The following CYB5B variants were observed in gnomAD, a reference collection of about 807,000 sequenced individuals.
CYB5B encodes cytochrome b5 type B, also known as cytochrome b5 type B (outer mitochondrial membrane).
In CYB5B, 14 loss-of-function variants were observed where a neutral mutation model predicts 21.3. That is an observed-to-expected ratio of 0.66 (90% CI 0.43 to 1.03). CYB5B has a LOEUF of 1.03. CYB5B is among the 50% of genes least tolerant of loss of function. The pLI is 0.00. For synonymous variants in CYB5B, 69 were observed against 68.4 expected (o/e 1.01, Z -0.04); for missense variants, 166 against 185.1 (o/e 0.90, Z 0.60).
chr16:69,448,071 T>C (rs1238311255), intron 2 of CYB5B, 44 bp from the exon 3 acceptor site: 1 of 1,594,244 alleles, frequency 6.3e-7, no homozygotes, highest in East Asian at 2.2e-5. Flanking sequence ...GAGAATTCAT[T>C]TGGCTATGTC....
At position 69,447,037 on chromosome 16, in the gene CYB5B, A is replaced by T. The variant is rs917375727; in HGVS notation, c.175-113A>T. On this transcript the variant is annotated intron_variant, in intron 1 of 4. Coordinates refer to ENST00000307892, the MANE Select transcript of CYB5B (RefSeq NM_030579.3). ...TCCTGTCAGGCACCACACAATGTCA[A>T]TTTGTTCCATTATTTCTATTAAAGG... The T allele has an allele frequency of 3.1e-6, 4 of 1,284,410 alleles. No individual in the cohort carries two copies. The African/African-American group carries it at 5.9e-5, about 19-fold the overall frequency. The allele number at this position is 1,284,410 out of a possible 1,614,324, so 79.6% of individuals were successfully genotyped here. A position where few individuals can be genotyped will look rare whatever the true frequency, so the allele number is the denominator to read the frequency against.
At chr16:69,429,159 TGAA>T (rs948927273) in intron 1 of CYB5B, among the ~76,000 whole-genome samples, 1 of 152,150 alleles carries the variant, frequency 6.6e-6, no homozygotes, top group Non-Finnish European at 1.5e-5. Context: ...CTCTCTGACT[TGAA>T]GAATGAAGCC....
chr16:69,443,101 A>T (rs1456759607), intron 1 of CYB5B: 2 of 151,646 alleles, frequency 1.3e-5, no homozygotes, highest in Non-Finnish European at 2.9e-5. Flanking sequence ...ATACCCAGCT[A>T]ATTTTTGTAC....
intron 1 of CYB5B, among the ~76,000 whole-genome samples, chr16:69,431,091 T>C (rs1454437689): frequency 6.6e-6 from 1 of 152,022 alleles, no homozygotes. Flanking sequence ...CTCTGCCTCC[T>C]GGGTTCAAGC....
Position 69,462,523 on chromosome 16 carries a change from A to C in CYB5B, c.*3A>C. ...CATCGGAAAGCAAATCCTCCTGAGG[A>C]GGCCTTGCTGAAGTTAGAAAGTGCA... On this transcript the variant is annotated 3_prime_UTR_variant, in exon 5 of 5. Coordinates refer to ENST00000307892, the MANE Select transcript of CYB5B (RefSeq NM_030579.3). 1.2e-6 allele frequency: 2 copies of C among 1,613,332 alleles called. No homozygotes were observed. The highest frequency in any genetic ancestry group is 1.1e-5 in the South Asian group (1 of 91,068).
At chr16:69,442,740 T>C (rs1322394093) in intron 1 of CYB5B, among the ~76,000 whole-genome samples, 1 of 152,016 alleles carries the variant, frequency 6.6e-6, no homozygotes, top group African/African-American at 2.4e-5. Flanking sequence ...CAGGTTGGTC[T>C]TGAATTCCTG....
chr16:69,451,239 A>AT (rs1303952246), intron 3 of CYB5B, among the ~76,000 whole-genome samples: 1 of 152,002 alleles, frequency 6.6e-6, no homozygotes, highest in Non-Finnish European at 1.5e-5. Flanking sequence ...TTGACTTAAC[A>AT]TTTTTCTGGT....
intron 1 of CYB5B, among the ~76,000 whole-genome samples, chr16:69,433,576 A>G (rs1258065506): frequency 6.6e-6 from 1 of 152,200 alleles, no homozygotes; most frequent in Non-Finnish European, 1.5e-5. Context: ...TATATGGATC[A>G]TTATTTAAGC....
chr16:69,453,983 G>A (rs905593535), intron 3 of CYB5B, among the ~76,000 whole-genome samples: 1 of 152,286 alleles, frequency 6.6e-6, no homozygotes, highest in Non-Finnish European at 1.5e-5. Context: ...GGGTTCTCAA[G>A]GACTAATGTC....
At chr16:69,440,920 A>C (rs1342876642) in intron 1 of CYB5B, among the ~76,000 whole-genome samples, 3 of 151,784 alleles carry the variant, frequency 2.0e-5, no homozygotes, top group African/African-American at 7.3e-5. Context: ...TGGCCTCCCA[A>C]ACTGCTGGGA....
intron 1 of CYB5B, among the ~76,000 whole-genome samples, chr16:69,436,100 G>GC (rs1484636565): frequency 1.3e-5 from 2 of 152,158 alleles, no homozygotes; most frequent in South Asian, 2.1e-4. Flanking sequence ...TATTCATTTT[G>GC]CCCGGGGGCA....
intron 1 of CYB5B, among the ~76,000 whole-genome samples, chr16:69,441,153 C>CTCTTT (rs1555509725): frequency 2.3e-5 from 3 of 133,322 alleles, no homozygotes; most frequent in African/African-American, 5.6e-5. Flanking sequence ...TTACTTCTCT[C>CTCTTT]TTTTTTTTTT....
In CYB5B at chr16:69,462,576, TG is replaced by T. The variant is rs2015046245; in HGVS notation, c.*57del. 1 of 1,448,010 alleles carries T rather than the reference TG, an allele frequency of 6.9e-7. No individual in the cohort carries two copies. Among genetic ancestry groups the T allele is most frequent in the Non-Finnish European group, 9.7e-7 (1 of 1,033,264 alleles). The allele number at this position is 1,448,010 out of a possible 1,614,324, so 89.7% of individuals were successfully genotyped here. A position where few individuals can be genotyped will look rare whatever the true frequency, so the allele number is the denominator to read the frequency against. On this transcript the variant is annotated 3_prime_UTR_variant, in exon 5 of 5. Coordinates refer to ENST00000307892, the MANE Select transcript of CYB5B (RefSeq NM_030579.3). ...CACTTTGGGGCGAAAACTAGAGACT[TG>T]CTTGGGGGCTGCAGAAGTGCCCTCT...
At chr16:69,449,764 G>A (rs892599487) in intron 3 of CYB5B, 6 of 152,198 alleles carry the variant, frequency 3.9e-5, no homozygotes, top group Non-Finnish European at 8.8e-5. Flanking sequence ...TGCAATTTAA[G>A]TAATCTAGGT....
intron 4 of CYB5B, among the ~76,000 whole-genome samples, chr16:69,461,101 G>A (rs745824755): frequency 1.3e-5 from 2 of 152,046 alleles, no homozygotes; most frequent in African/African-American, 4.8e-5. Context: ...TCACGAGGAC[G>A]GGCTGAGACA....
Position 69,455,400 on chromosome 16 carries a change from CTTTTTTTT to C in CYB5B, c.334-3681_334-3674del, listed in dbSNP as rs67183796. Among the ~76,000 whole-genome samples the C allele has an allele frequency of 2.4e-5, 3 of 122,984 alleles. No homozygotes were observed. The South Asian group carries it at 8.2e-4, about 34-fold the overall frequency. The allele number at this position is 122,984 out of a possible 152,430, so 80.7% of individuals were successfully genotyped here. A position where few individuals can be genotyped will look rare whatever the true frequency, so the allele number is the denominator to read the frequency against. ...AGTTGAGACATTTCTTTGTTGTTCT[CTTTTTTTT>C]TTTTTTTTTTTGGTGGGGGGACGAA... On this transcript the variant is annotated intron_variant, in intron 3 of 4. Coordinates refer to ENST00000307892, the MANE Select transcript of CYB5B (RefSeq NM_030579.3).
At chr16:69,425,457 T>G (rs900179055) in intron 1 of CYB5B, among the ~76,000 whole-genome samples, 2 of 152,088 alleles carry the variant, frequency 1.3e-5, no homozygotes, top group Non-Finnish European at 2.9e-5. Context: ...TTCTTAAATA[T>G]TCAAGACTGT....
intron 3 of CYB5B, among the ~76,000 whole-genome samples, chr16:69,458,218 A>T (rs1197811659): frequency 6.6e-6 from 1 of 152,170 alleles, no homozygotes; most frequent in Non-Finnish European, 1.5e-5. Context: ...TATTTACAGA[A>T]CTGTGCAGTC....
chr16:69,438,566 G>A (rs896376881), intron 1 of CYB5B, among the ~76,000 whole-genome samples: 1 of 151,368 alleles, frequency 6.6e-6, no homozygotes, highest in Admixed American at 6.6e-5. Context: ...AGCCATCCTA[G>A]CAGGTGTAAA....
Sources: gnomAD v4.1 joint callset for allele counts (sites outside exome capture counted in the v4.1 genomes callset) on GRCh38, gnomAD v4.1.1 for gene constraint, MANE v1.5 for transcripts, NCBI Gene and HGNC (gene_info 2026-07-23, HGNC 2026-07-21) for gene names.